The following MED9 variants were observed in gnomAD, a reference collection of about 807,000 sequenced individuals.
MED9 encodes mediator complex subunit 9.
A neutral mutation model predicts 13.2 loss-of-function variants in MED9; 8 were observed. The ratio of observed to expected loss-of-function variants is 0.61; its 90% CI spans 0.36 to 1.10. The LOEUF is 1.10. MED9 is among the 50% of genes least tolerant of loss of function. The pLI is 0.02. For synonymous variants in MED9, 87 were observed against 82.8 expected, an observed-to-expected ratio of 1.05 and a Z score of -0.28; for missense variants, 180 against 193.4, an observed-to-expected ratio of 0.93 and a Z score of 0.41.
intron 1 of MED9, among the ~76,000 whole-genome samples, chr17:17,479,870 G>A (rs899499873): frequency 2.0e-5 from 3 of 152,094 alleles, no homozygotes; most frequent in African/African-American, 7.2e-5. Flanking sequence ...GATGACCAGG[G>A]CTAATTCATC....
intron 1 of MED9, chr17:17,485,233 G>C (rs1489139620): frequency 2.5e-6 from 1 of 396,056 alleles, no homozygotes; most frequent in Non-Finnish European, 4.5e-6. Flanking sequence ...TTTCGTCTCT[G>C]TCTACAGGCA....
chr17:17,485,178 T>TA (rs1052388173), intron 1 of MED9: 4 of 354,508 alleles, frequency 1.1e-5, no homozygotes, highest in Non-Finnish European at 2.0e-5. Context: ...CATGCCTTTG[T>TA]AAAAAACAAA....
chr17:17,479,519 T>TTA (rs1904991183), intron 1 of MED9, among the ~76,000 whole-genome samples: 2 of 145,076 alleles, frequency 1.4e-5, no homozygotes, highest in African/African-American at 2.6e-5. Flanking sequence ...GAAGGGAGTT[T>TTA]AAAAAAAAAA....
In MED9 at chr17:17,483,726, C is replaced by A. The variant is rs941884166; in HGVS notation, c.224+6461C>A. On this transcript the variant is annotated intron_variant, in intron 1 of 1. Coordinates refer to ENST00000268711, the MANE Select transcript of MED9 (RefSeq NM_018019.3). The surrounding 1 kb of genome is among the most constrained non-coding windows in gnomAD (Gnocchi z 4.2). ...GGCCGAGGCGGGTGGATCACGAGGTCAGGAGATCGAGACCATCCTGGCCAA... is the reference window on the plus strand; with the variant it reads ...GGCCGAGGCGGGTGGATCACGAGGTAAGGAGATCGAGACCATCCTGGCCAA... 6.6e-6 allele frequency among the ~76,000 whole-genome samples: 1 copy of A among 152,080 alleles called. No individual in the cohort carries two copies. Among genetic ancestry groups the A allele is most frequent in the Non-Finnish European group, 1.5e-5 (1 of 68,022 alleles).
At chr17:17,489,007 T>C (rs1905186514) in intron 1 of MED9, among the ~76,000 whole-genome samples, 1 of 152,244 alleles carries the variant, frequency 6.6e-6, no homozygotes, top group Non-Finnish European at 1.5e-5. Flanking sequence ...TAGAGCTTTC[T>C]GCTTTTATTC....
Position 17,477,196 on chromosome 17 carries a change from AG to A in MED9, c.156del (p.Gln52HisfsTer36). On this transcript the variant is annotated frameshift_variant, in exon 1 of 2. Coordinates refer to ENST00000268711, the MANE Select transcript of MED9 (RefSeq NM_018019.3). LOFTEE classifies it high-confidence loss of function. ...QPQQSPAPRPQSPARAREEEN... is the reference protein window; with the variant it reads ...QPQQSPAPRPXSPARAREEEN... ...CAGCAGTCGCCGGCGCCACGGCCTC[AG>A]TCACCTGCCCGCGCGAGGGAGGAAG... 1 of 1,610,784 alleles carries A rather than the reference AG, an allele frequency of 6.2e-7. No individual in the cohort carries two copies. Among genetic ancestry groups the A allele is most frequent in the Non-Finnish European group, 8.5e-7 (1 of 1,178,266 alleles).
intron 1 of MED9, 97 bp from the exon 2 acceptor site, chr17:17,491,182 C>A: frequency 1.7e-6 from 2 of 1,161,478 alleles, no homozygotes; most frequent in Non-Finnish European, 1.3e-6. Context: ...GTTCTAAAAG[C>A]TATGGCAGGA....
chr17:17,480,346 GAAAA>G (rs372717254), intron 1 of MED9, among the ~76,000 whole-genome samples: 2 of 140,044 alleles, frequency 1.4e-5, no homozygotes, highest in Non-Finnish European at 3.1e-5. Context: ...AAAGACATTG[GAAAA>G]AAAAAAAGCC....
intron 1 of MED9, 63 bp from the exon 2 acceptor site, chr17:17,491,216 C>A: frequency 1.4e-6 from 2 of 1,447,094 alleles, no homozygotes; most frequent in Non-Finnish European, 1.9e-6. Flanking sequence ...CTAGGGGGTG[C>A]AGGGCAGGAA....
intron 1 of MED9, among the ~76,000 whole-genome samples, chr17:17,489,532 T>G (rs559673181): frequency 6.6e-6 from 1 of 152,352 alleles, no homozygotes; most frequent in South Asian, 2.1e-4. Flanking sequence ...GGACTTAAAT[T>G]CGTAACGGTA....
rs770442757 is a variant in MED9, at chr17:17,491,525, G to A, written c.*30G>A. 283 of 1,568,906 alleles carry A rather than the reference G, an allele frequency of 1.8e-4. No homozygotes were observed. Among genetic ancestry groups the A allele is most frequent in the Middle Eastern group, 3.4e-4 (2 of 5,966 alleles). ...AGGCTGACTTCCTTAGAAAGAGGGG[G>A]AAGCCAATGGCCTGTCTCCCCACTA... On this transcript the variant is annotated 3_prime_UTR_variant, in exon 2 of 2. Transcript: ENST00000268711.
At chr17:17,478,100 A>G (rs887190083) in intron 1 of MED9, among the ~76,000 whole-genome samples, 1 of 152,190 alleles carries the variant, frequency 6.6e-6, no homozygotes, top group East Asian at 1.9e-4. Flanking sequence ...GCCTCAAGCC[A>G]TCCTCCCACC....
intron 1 of MED9, among the ~76,000 whole-genome samples, chr17:17,490,297 G>A (rs1332431892): frequency 1.3e-5 from 2 of 152,204 alleles, no homozygotes; most frequent in Non-Finnish European, 2.9e-5. Flanking sequence ...TTATCCGGGC[G>A]TGTTGGCATG....
rs1182301389 is a variant in MED9, at chr17:17,485,109, A to G, written c.225-6170A>G. The G allele has an allele frequency of 2.8e-5, 9 of 318,264 alleles. No individual in the cohort carries two copies. In the Admixed American group the frequency reaches 4.5e-4, roughly 16 times the overall value. 19.7% of individuals were successfully genotyped at this position (318,264 alleles called of 1,614,324 possible). A position where few individuals can be genotyped will look rare whatever the true frequency, so the allele number is the denominator to read the frequency against. On this transcript the variant is annotated intron_variant, in intron 1 of 1. Transcript: ENST00000268711. ...AATCTCTGGCTCCCAGGTTCACTTG[A>G]ATCACTTGATTTCCGTGCCTCAGCC...
In MED9 at chr17:17,491,387, C is replaced by T. The variant is rs150323027; in HGVS notation, c.333C>T (p.Pro111=). Residue 111 remains proline (P), a synonymous_variant, in exon 2 of 2, where the codon CCC becomes CCT. Transcript: ENST00000268711. ...CCATGCCCGGCATCCACCTGAGCCC[C>T]GAACAGCAGCAGCAGCAGCTGCAGA... ...ISTMPGIHLS[P]EQQQQQLQSL... is the part of the protein sequence containing the mutation. 73 of 1,613,996 alleles carry T rather than the reference C, an allele frequency of 4.5e-5. No individual in the cohort carries two copies. The African/African-American group carries it at 7.2e-4, about 16-fold the overall frequency.
intron 1 of MED9, among the ~76,000 whole-genome samples, chr17:17,481,873 C>T (rs1905038435): frequency 6.6e-6 from 1 of 152,320 alleles, no homozygotes; most frequent in East Asian, 1.9e-4. Flanking sequence ...ATTTAGAGCA[C>T]TACGTCTTTT....
At chr17:17,479,739 G>T (rs1385528261) in intron 1 of MED9, among the ~76,000 whole-genome samples, 1 of 152,114 alleles carries the variant, frequency 6.6e-6, no homozygotes, top group Non-Finnish European at 1.5e-5. Context: ...GAAGTGGGAG[G>T]ATCACTTGAA....
Position 17,477,174 on chromosome 17 carries a change from C to T in MED9, c.133C>T (p.Gln45Ter), listed in dbSNP as rs1169103019. 3.7e-6 allele frequency: 6 copies of T among 1,610,030 alleles called. No homozygotes were observed. Among genetic ancestry groups the T allele is most frequent in the Non-Finnish European group, 5.1e-6 (6 of 1,178,098 alleles). The change falls in exon 1 of 2, where the codon CAG (glutamine) becomes TAG (stop). Residue 45 changes from glutamine to a stop codon, truncating the protein, a stop_gained. Coordinates refer to ENST00000268711, the MANE Select transcript of MED9 (RefSeq NM_018019.3). LOFTEE classifies it high-confidence loss of function. ...PPPVPAPQPQ[Q>*]SPAPRPQSPA... ...GCCGGTCCCTGCGCCTCAACCGCAG[C>T]AGTCGCCGGCGCCACGGCCTCAGTC...
Position 17,491,507 on chromosome 17 carries a change from C to T in MED9, c.*12C>T. The T allele has an allele frequency of 6.3e-7, 1 of 1,598,128 alleles. No homozygotes were observed. The highest frequency in any genetic ancestry group is 1.3e-5 in the African/African-American group (1 of 74,714). On this transcript the variant is annotated 3_prime_UTR_variant, in exon 2 of 2. Coordinates refer to ENST00000268711, the MANE Select transcript of MED9 (RefSeq NM_018019.3). ...TCCCCAAGGAGTAGAGTGAGGCTGA[C>T]TTCCTTAGAAAGAGGGGGAAGCCAA...
Sources: allele counts gnomAD v4.1 joint callset (sites outside exome capture counted in the v4.1 genomes callset), GRCh38; gene constraint gnomAD v4.1.1; non-coding constraint Gnocchi (gnomAD v3.1); transcripts MANE v1.5; gene names NCBI Gene and HGNC (gene_info 2026-07-23, HGNC 2026-07-21).